The following NOX4 variants were observed in gnomAD, a reference collection of about 807,000 sequenced individuals.
The protein encoded by NOX4 is kidney oxidase-1.
A neutral mutation model predicts 87.6 loss-of-function variants in NOX4; 69 were observed. The observed-to-expected ratio is 0.79, with a 90% CI of 0.65 to 0.96. The LOEUF (loss-of-function observed/expected upper bound fraction) is 0.96, where lower values mean the gene tolerates loss of function less well. NOX4 is among the 40% of genes least tolerant of loss of function. The pLI, the probability that NOX4 is intolerant of heterozygous loss-of-function variation, is 0.00. For missense variants in NOX4, 680 were observed against 681.5 expected (o/e 1.00, Z 0.02); for synonymous variants, 275 against 238.2 (o/e 1.15, Z -1.42).
chr11:89,443,982 T>C, intron 5 of NOX4, 153 bp downstream of exon 5: 1 of 619,062 alleles, frequency 1.6e-6, no homozygotes, highest in Admixed American at 2.8e-5. Flanking sequence ...ACTTATATTT[T>C]CTACTGAAAA....
intron 2 of NOX4, among the ~76,000 whole-genome samples, chr11:89,476,979 AG>A (rs1422926625): frequency 3.3e-5 from 5 of 152,180 alleles, no homozygotes; most frequent in Non-Finnish European, 7.4e-5. Flanking sequence ...TGCTATTGTA[AG>A]GGGGAGAATG....
intron 4 of NOX4, among the ~76,000 whole-genome samples, chr11:89,447,262 A>C (rs77772596): frequency 0.022 from 3,390 of 152,292 alleles, 132 homozygotes; most frequent in African/African-American, 0.078. Flanking sequence ...CTTTCATATT[A>C]AATTAAAAGC....
At chr11:89,465,442 C>T (rs972663680) in intron 2 of NOX4, among the ~76,000 whole-genome samples, 3 of 152,292 alleles carry the variant, frequency 2.0e-5, no homozygotes, top group Non-Finnish European at 4.4e-5. Flanking sequence ...CTGCAATAAA[C>T]ATACATGTGC....
rs138656029 is a variant in NOX4 at position 89,480,076 on chromosome 11, C to A, written c.153+10382G>T. 6.0e-3 allele frequency among the ~76,000 whole-genome samples: 913 copies of A among 152,264 alleles called. 8 individuals are homozygous for A. Among genetic ancestry groups the A allele is most frequent in the African/African-American group, 0.021 (869 of 41,558 alleles). Reference sequence around the variant, plus strand: ...CTGCAAATCCACATTTGGTTGAAAACAATCTGCATGTAACTGGACCTGCGC... The same window carrying A: ...CTGCAAATCCACATTTGGTTGAAAAAAATCTGCATGTAACTGGACCTGCGC... On this transcript the variant is annotated intron_variant, in intron 2 of 17. Coordinates refer to ENST00000263317, the MANE Select transcript of NOX4 (RefSeq NM_016931.5).
the NOX4 span, among the ~76,000 whole-genome samples, chr11:89,544,172 TG>T: frequency 6.6e-6 from 1 of 152,170 alleles, no homozygotes; most frequent in African/African-American, 2.4e-5. Flanking sequence ...AACCAATATT[TG>T]TTAAGTTTCT....
intron 8 of NOX4, among the ~76,000 whole-genome samples, chr11:89,417,142 C>T (rs1179669404): frequency 2.0e-5 from 3 of 152,102 alleles, no homozygotes; most frequent in African/African-American, 7.2e-5. Flanking sequence ...ACTGCAGAAG[C>T]TAAGGTGCCA....
chr11:89,423,801 T>A (rs1351473548), intron 7 of NOX4, among the ~76,000 whole-genome samples: 1 of 152,126 alleles, frequency 6.6e-6, no homozygotes, highest in Non-Finnish European at 1.5e-5. Flanking sequence ...ATGCCTGTAA[T>A]CCAACACTTT....
At chr11:89,583,874 A>T in the NOX4 span, among the ~76,000 whole-genome samples, 2 of 152,158 alleles carry the variant, frequency 1.3e-5, no homozygotes, top group Non-Finnish European at 2.9e-5. Context: ...GGTTCAATAA[A>T]TATTTTTTAA....
the NOX4 span, among the ~76,000 whole-genome samples, chr11:89,575,488 AG>A: frequency 3.3e-5 from 5 of 152,212 alleles, no homozygotes; most frequent in Admixed American, 6.5e-5. Context: ...TGACAATTTA[AG>A]CCAAATATAA....
chr11:89,578,362 A>C, the NOX4 span, among the ~76,000 whole-genome samples: 37 of 152,062 alleles, frequency 2.4e-4, no homozygotes, highest in African/African-American at 8.9e-4. Context: ...TGATTTCACC[A>C]TGTTGGCCAG....
In NOX4 at chr11:89,478,967, T is replaced by C. The variant is rs191441686; in HGVS notation, c.153+11491A>G. Among the ~76,000 whole-genome samples the C allele has an allele frequency of 3.0e-3, 451 of 151,192 alleles. 1 individual carries two copies. The highest frequency in any genetic ancestry group is 5.0e-3 in the Non-Finnish European group (338 of 67,906). On this transcript the variant is annotated intron_variant, in intron 2 of 17. Transcript: ENST00000263317. ...TCATGCCTGTGAATAGCCACTACACTCCAGCCTGGGCAACATAATGAGATC... is the reference window on the plus strand; with the variant it reads ...TCATGCCTGTGAATAGCCACTACACCCCAGCCTGGGCAACATAATGAGATC...
At chr11:89,558,636 A>G in the NOX4 span, among the ~76,000 whole-genome samples, 1 of 152,096 alleles carries the variant, frequency 6.6e-6, no homozygotes, top group Non-Finnish European at 1.5e-5. Flanking sequence ...GGCATTTATT[A>G]TTTTCATTTC....
intron 13 of NOX4, among the ~76,000 whole-genome samples, chr11:89,343,262 G>A (rs1417428175): frequency 6.6e-6 from 1 of 152,184 alleles, no homozygotes; most frequent in Non-Finnish European, 1.5e-5. Flanking sequence ...GAAAAAAAGT[G>A]TGCTAAGAAT....
At chr11:89,464,226 C>T (rs573326877) in intron 2 of NOX4, among the ~76,000 whole-genome samples, 1 of 151,936 alleles carries the variant, frequency 6.6e-6, no homozygotes, top group Non-Finnish European at 1.5e-5. Context: ...TTTAAGTGTC[C>T]CCTTGGGATA....
intron 2 of NOX4, among the ~76,000 whole-genome samples, chr11:89,458,021 T>C (rs1193280739): frequency 1.3e-5 from 2 of 152,170 alleles, no homozygotes; most frequent in Non-Finnish European, 2.9e-5. Flanking sequence ...CCTATCAAAC[T>C]ACCAATGCCA....
chr11:89,408,838 T>C (rs114121866), intron 8 of NOX4, among the ~76,000 whole-genome samples: 2,767 of 152,280 alleles, frequency 0.018, 84 homozygotes, highest in African/African-American at 0.063. Context: ...CGCTTAATAA[T>C]TTTTTGATCA....
At chr11:89,467,027 C>T (rs1257486963) in intron 2 of NOX4, among the ~76,000 whole-genome samples, 1 of 151,952 alleles carries the variant, frequency 6.6e-6, no homozygotes, top group Non-Finnish European at 1.5e-5. Context: ...TTGGGGGGAG[C>T]TCGCTGGACT....
chr11:89,409,141 C>G (rs970691700), intron 8 of NOX4, among the ~76,000 whole-genome samples: 1 of 152,092 alleles, frequency 6.6e-6, no homozygotes, highest in Non-Finnish European at 1.5e-5. Context: ...ATTTCCTCAG[C>G]TTTCATGCTT....
upstream of NOX4, among the ~76,000 whole-genome samples, chr11:89,496,600 A>G (rs564244367): frequency 6.6e-6 from 1 of 152,154 alleles, no homozygotes; most frequent in East Asian, 1.9e-4. Flanking sequence ...AAGAGAAAAA[A>G]TAAATACAAA....
Sources: allele counts gnomAD v4.1 joint callset (sites outside exome capture counted in the v4.1 genomes callset), GRCh38; gene constraint gnomAD v4.1.1; transcripts MANE v1.5; gene names NCBI Gene and HGNC (gene_info 2026-07-23, HGNC 2026-07-21).